PELP1: variants seen among roughly 807,000 people sequenced by gnomAD.
The protein encoded by PELP1 is proline, glutamate and leucine rich protein 1.
In PELP1, 32 loss-of-function variants were observed where a neutral mutation model predicts 95.5. That is an observed-to-expected ratio of 0.34 (90% CI 0.25 to 0.45). The LOEUF is 0.45. Among genes scored for constraint, PELP1 ranks in the 20% least tolerant of loss-of-function variants. PELP1 has a pLI of 1.00. For synonymous variants in PELP1, 668 were observed against 600.1 expected, an observed-to-expected ratio of 1.11 and a Z score of -1.65; for missense variants, 1,358 against 1,444.8, an observed-to-expected ratio of 0.94 and a Z score of 0.97.
chr17:4,672,793 C>T lies in PELP1; in HGVS notation c.2198G>A (p.Gly733Asp). The change falls in exon 16 of 17, where the codon GGC becomes GAC. Residue 733 changes from glycine to aspartate, a missense_variant. By Grantham distance (94) the Gly-to-Asp change is moderately conservative. Coordinates refer to ENST00000572293, the MANE Select transcript of PELP1 (RefSeq NM_014389.3). ...LLPGPENHRAGSNEDPILAPS... is the reference protein window; with the variant it reads ...LLPGPENHRADSNEDPILAPS... ...GGCAAGGATGGGGTCCTCATTTGAG[C>T]CTGCCCGGTGGTTCTCAGGGCCAGG... is the stretch of plus-strand genomic sequence containing the variant. 6.2e-7 allele frequency: 1 copy of T among 1,613,804 alleles called. No individual in the cohort carries two copies. Among genetic ancestry groups the T allele is most frequent in the Non-Finnish European group, 8.5e-7 (1 of 1,179,796 alleles).
intron 1 of PELP1, 200 bp from the exon 2 acceptor site, chr17:4,691,642 A>G (rs906454): frequency 0.99 from 579,958 of 584,490 alleles, 287,874 homozygotes; most frequent in East Asian, 1. Context: ...GCCTTTCCTC[A>G]AGTTATATTT....
chr17:4,699,434 C>A (rs1233025421), intron 1 of PELP1, among the ~76,000 whole-genome samples: 1 of 152,058 alleles, frequency 6.6e-6, no homozygotes, highest in Non-Finnish European at 1.5e-5. Flanking sequence ...GAAATTCTTT[C>A]AAATATTGTT....
At position 4,673,097 on chromosome 17, in the gene PELP1, G is replaced by T; in HGVS notation, c.1894C>A (p.His632Asn). Residue 632 changes from histidine to asparagine, a missense_variant, in exon 16 of 17, where the codon CAC becomes AAC. By Grantham distance (68) the His-to-Asn change is moderately conservative. Around this residue, in one of 7 missense-constraint regions of PELP1, gnomAD observed 18 missense variants for 39.0 expected, o/e 0.46. Transcript: ENST00000572293. The surrounding 1 kb of genome is among the most constrained non-coding windows in gnomAD (Gnocchi z 5.7). ...GGCTGCAGGGGAGGAACCCGGGGGT[G>T]GGTCAGAGCAGCACAGGTCACCAGT... Reference protein sequence around the residue: ...EALVTCAALTHPRVPPLQPMG... With the variant: ...EALVTCAALTNPRVPPLQPMG... The T allele has an allele frequency of 6.6e-7, 1 of 1,522,102 alleles. No homozygotes were observed. The highest frequency in any genetic ancestry group is 8.8e-7 in the Non-Finnish European group (1 of 1,137,354). The allele number at this position is 1,522,102 out of a possible 1,614,324, so 94.3% of individuals were successfully genotyped here. A position where few individuals can be genotyped will look rare whatever the true frequency, so the allele number is the denominator to read the frequency against.
Position 4,692,283 on chromosome 17 carries a change from T to A in PELP1, c.250-841A>T, listed in dbSNP as rs542116320. Among the ~76,000 whole-genome samples, 4 of 152,018 alleles carry A rather than the reference T, an allele frequency of 2.6e-5. No homozygotes were observed. In the East Asian group the frequency reaches 7.8e-4, roughly 30 times the overall value. ...GAGATCGAGACCATCCTGGCTAACATGGTGAAACCCCGTCTCTACTAAAAA... is the reference window on the plus strand; with the variant it reads ...GAGATCGAGACCATCCTGGCTAACAAGGTGAAACCCCGTCTCTACTAAAAA... On this transcript the variant is annotated intron_variant, in intron 1 of 16. Coordinates refer to ENST00000572293, the MANE Select transcript of PELP1 (RefSeq NM_014389.3).
At chr17:4,693,076 C>G (rs1218546297) in intron 1 of PELP1, among the ~76,000 whole-genome samples, 1 of 152,170 alleles carries the variant, frequency 6.6e-6, no homozygotes, top group South Asian at 2.1e-4. Context: ...TTGATACTCT[C>G]AAATATTTAC....
intron 3 of PELP1, among the ~76,000 whole-genome samples, chr17:4,688,486 G>A (rs1597454003): frequency 6.6e-6 from 1 of 152,150 alleles, no homozygotes; most frequent in East Asian, 1.9e-4. Context: ...AATAAATGAA[G>A]CCGGTAAAGT....
chr17:4,702,927 T>C (rs990867313), intron 1 of PELP1, among the ~76,000 whole-genome samples: 1 of 152,044 alleles, frequency 6.6e-6, no homozygotes, highest in African/African-American at 2.4e-5. Context: ...CAAGCTAGAA[T>C]GGGAGCAATG....
At position 4,671,031 on chromosome 17, in the gene PELP1, T is replaced by C. The variant is rs979141473; in HGVS notation, c.*408A>G. 3.7e-5 allele frequency: 8 copies of C among 213,622 alleles called. No individual in the cohort carries two copies. The highest frequency in any genetic ancestry group is 1.9e-4 in the African/African-American group (8 of 42,810). 13.2% of individuals were successfully genotyped at this position (213,622 alleles called of 1,614,324 possible). A position where few individuals can be genotyped will look rare whatever the true frequency, so the allele number is the denominator to read the frequency against. Reference sequence around the variant, plus strand: ...TTCAGACCAAGGGGCTGAGCACGCATGCGTGTGGGCATGTGGGTGTTGACA... The same window carrying C: ...TTCAGACCAAGGGGCTGAGCACGCACGCGTGTGGGCATGTGGGTGTTGACA... On this transcript the variant is annotated 3_prime_UTR_variant, in exon 17 of 17. Coordinates refer to ENST00000572293, the MANE Select transcript of PELP1 (RefSeq NM_014389.3).
chr17:4,704,116 C>A lies in PELP1; in HGVS notation c.-5G>T. On this transcript the variant is annotated 5_prime_UTR_variant, in exon 1 of 17. Coordinates refer to ENST00000572293, the MANE Select transcript of PELP1 (RefSeq NM_014389.3). ...ACTCAGAACGGCTGCCGCCATCTTC[C>A]CCCGGGTTCCAGTGGTGGCGTGGCG... The A allele has an allele frequency of 6.2e-7, 1 of 1,604,300 alleles. No individual in the cohort carries two copies. Among genetic ancestry groups the A allele is most frequent in the Non-Finnish European group, 8.5e-7 (1 of 1,177,468 alleles).
Position 4,675,734 on chromosome 17 carries a change from G to A in PELP1, c.1068+63C>T. The A allele has an allele frequency of 1.7e-6, 2 of 1,207,612 alleles. No individual in the cohort carries two copies. The highest frequency in any genetic ancestry group is 2.4e-6 in the Non-Finnish European group (2 of 832,340). The allele number at this position is 1,207,612 out of a possible 1,614,324, so 74.8% of individuals were successfully genotyped here. A position where few individuals can be genotyped will look rare whatever the true frequency, so the allele number is the denominator to read the frequency against. On this transcript the variant is annotated intron_variant, in intron 9 of 16. Coordinates refer to ENST00000572293, the MANE Select transcript of PELP1 (RefSeq NM_014389.3). This position sits in a 1 kb window ranked among gnomAD's most constrained non-coding sequence, Gnocchi z 4.3. ...CTGTTTGGGGAGACTCAGGTCCCCA[G>A]TACTTTCCTGGTTGCCTGGTATCCT...
chr17:4,671,850 C>G lies in PELP1; in HGVS notation c.3141G>C (p.Gly1047=). The change falls in exon 16 of 17, where the codon GGG becomes GGC. Residue 1047 remains glycine (G), a synonymous_variant. Coordinates refer to ENST00000572293, the MANE Select transcript of PELP1 (RefSeq NM_014389.3). Reference sequence around the variant, plus strand: ...CTTCAACAAGCTCCTGGGGAGGGGGCCCTGCCGCAGGGCTTTCCCCTTCCC... The same window carrying G: ...CTTCAACAAGCTCCTGGGGAGGGGGGCCTGCCGCAGGGCTTTCCCCTTCCC... ...VEREGESPAA[G]PPPQELVEEE... 1 of 1,511,802 alleles carries G rather than the reference C, an allele frequency of 6.6e-7. No individual in the cohort carries two copies. The highest frequency in any genetic ancestry group is 8.8e-7 in the Non-Finnish European group (1 of 1,134,396). The allele number at this position is 1,511,802 out of a possible 1,614,324, so 93.6% of individuals were successfully genotyped here.
Position 4,672,444 on chromosome 17 carries a change from A to T in PELP1, c.2547T>A (p.Val849=), listed in dbSNP as rs768467210. Residue 849 remains valine (V), a synonymous_variant, in exon 16 of 17, where the codon GTT becomes GTA. Transcript: ENST00000572293. ...GTGGAGGGAGCGTCACAGGACCAGG[A>T]ACAGGCGGCGGCGGAGGTGGGGGTG... ...LPPPPPPPPP[V]PGPVTLPPPQ... 6.4e-7 allele frequency: 1 copy of T among 1,570,222 alleles called. No homozygotes were observed. The highest frequency in any genetic ancestry group is 1.9e-5 in the Admixed American group (1 of 53,112).
chr17:4,677,341 T>A (rs957259290), intron 5 of PELP1, among the ~76,000 whole-genome samples: 1 of 152,150 alleles, frequency 6.6e-6, no homozygotes, highest in Admixed American at 6.5e-5. Context: ...CAGGAGTGTT[T>A]AACCTGAGAA....
At chr17:4,695,700 AG>A (rs1913272108) in intron 1 of PELP1, among the ~76,000 whole-genome samples, 3 of 144,106 alleles carry the variant, frequency 2.1e-5, no homozygotes, top group South Asian at 2.2e-4. Flanking sequence ...AAAATCTGGC[AG>A]GGGGCAGTGA....
At chr17:4,690,537 C>T (rs962810333) in intron 3 of PELP1, among the ~76,000 whole-genome samples, 8 of 152,112 alleles carry the variant, frequency 5.3e-5, no homozygotes, top group Non-Finnish European at 1.2e-4. Flanking sequence ...GCCTGGCCAA[C>T]ATGTTAAAAC....
At chr17:4,697,883 A>G (rs570278727) in intron 1 of PELP1, among the ~76,000 whole-genome samples, 164 of 152,252 alleles carry the variant, frequency 1.1e-3, no homozygotes, top group Non-Finnish European at 2.0e-3. Context: ...CAAGACACTT[A>G]ACTACAAATG....
chr17:4,701,203 G>A (rs1434608771), intron 1 of PELP1, among the ~76,000 whole-genome samples: 2 of 151,834 alleles, frequency 1.3e-5, no homozygotes, highest in South Asian at 2.1e-4. Context: ...ATAAGTATAT[G>A]TGAAATAAAT....
chr17:4,689,213 TC>T (rs1567666279), intron 3 of PELP1, among the ~76,000 whole-genome samples: 1 of 152,162 alleles, frequency 6.6e-6, no homozygotes, highest in African/African-American at 2.4e-5. Flanking sequence ...AGGACTTAAA[TC>T]TAAGACCTGA....
At position 4,671,117 on chromosome 17, in the gene PELP1, G is replaced by A. The variant is rs908506390; in HGVS notation, c.*322C>T. ...TCCCACCCCGAATACAAACACGAAA[G>A]CAGGGCTGTGTCTCTATAACTCCTC... On this transcript the variant is annotated 3_prime_UTR_variant, in exon 17 of 17. Transcript: ENST00000572293. The A allele has an allele frequency of 1.1e-5, 4 of 355,024 alleles. No individual in the cohort carries two copies. The highest frequency in any genetic ancestry group is 1.6e-5 in the Non-Finnish European group (3 of 192,640). 22.0% of individuals were successfully genotyped at this position (355,024 alleles called of 1,614,324 possible).
Sources: allele counts gnomAD v4.1 joint callset (sites outside exome capture counted in the v4.1 genomes callset), GRCh38; gene constraint gnomAD v4.1.1; regional missense constraint gnomAD v4.1.1; non-coding constraint Gnocchi (gnomAD v3.1); transcripts MANE v1.5; gene names NCBI Gene and HGNC (gene_info 2026-07-23, HGNC 2026-07-21).